HS3ST4: variants seen among roughly 807,000 people sequenced by gnomAD.
HS3ST4 encodes the protein heparan sulfate glucosamine 3-O-sulfotransferase 4.
Under a neutral mutation model 29.2 loss-of-function variants are expected in HS3ST4, and 17 were observed. That is an observed-to-expected ratio of 0.58 (90% CI 0.40 to 0.87). The LOEUF is 0.87. Among genes scored for constraint, HS3ST4 ranks in the 40% least tolerant of loss-of-function variants. HS3ST4 has a pLI of 0.00. For missense variants in HS3ST4, 627 were observed against 634.5 expected, an observed-to-expected ratio of 0.99 and a Z score of 0.13; for synonymous variants, 314 against 285.7, an observed-to-expected ratio of 1.10 and a Z score of -1.00.
At chr16:25,707,874 A>G (rs1237062070) in intron 1 of HS3ST4, among the ~76,000 whole-genome samples, 1 of 152,144 alleles carries the variant, frequency 6.6e-6, no homozygotes, top group African/African-American at 2.4e-5. Context: ...TCTCTGCTCA[A>G]TCATCTTATC....
chr16:25,911,773 C>T (rs574863606), intron 1 of HS3ST4, among the ~76,000 whole-genome samples: 5 of 151,974 alleles, frequency 3.3e-5, no homozygotes, highest in African/African-American at 7.2e-5. Context: ...CCTCCCAAAG[C>T]GCTGGGATTA....
In HS3ST4 at chr16:25,949,883, G is replaced by A. The variant is rs1012589103; in HGVS notation, c.735-185729G>A. Among the ~76,000 whole-genome samples the A allele has an allele frequency of 7.2e-5, 11 of 152,204 alleles. 1 individual carries two copies. The highest frequency in any genetic ancestry group is 2.0e-4 in the Admixed American group (3 of 15,286). On this transcript the variant is annotated intron_variant, in intron 1 of 1. Coordinates refer to ENST00000331351, the MANE Select transcript of HS3ST4 (RefSeq NM_006040.3). ...GGTCAAGGACAGAGCCCCAAGGGAA[G>A]CCTACTAAAAAATGGGTCCCAGAGG... is the stretch of plus-strand genomic sequence containing the variant.
intron 1 of HS3ST4, among the ~76,000 whole-genome samples, chr16:25,802,708 A>G (rs892479383): frequency 3.9e-5 from 6 of 152,092 alleles, no homozygotes; most frequent in African/African-American, 1.2e-4. Flanking sequence ...GAGTTGTCCC[A>G]TCTAGGGACA....
chr16:25,771,066 G>C (rs1279264245), intron 1 of HS3ST4, among the ~76,000 whole-genome samples: 1 of 151,998 alleles, frequency 6.6e-6, no homozygotes. Context: ...GTGGTTTGCT[G>C]CACCTATCAA....
intron 1 of HS3ST4, among the ~76,000 whole-genome samples, chr16:26,115,286 C>CAG (rs1899187763): frequency 7.3e-6 from 1 of 137,496 alleles, no homozygotes; most frequent in Non-Finnish European, 1.7e-5. Flanking sequence ...CACACACACA[C>CAG]AAGTATAAAC....
intron 1 of HS3ST4, among the ~76,000 whole-genome samples, chr16:25,719,992 A>G (rs1255601988): frequency 6.6e-6 from 1 of 152,210 alleles, no homozygotes; most frequent in Non-Finnish European, 1.5e-5. Flanking sequence ...ACACAATTTC[A>G]TGGAACTTAT....
chr16:25,993,734 G>A (rs1969133678), intron 1 of HS3ST4, among the ~76,000 whole-genome samples: 1 of 151,894 alleles, frequency 6.6e-6, no homozygotes, highest in African/African-American at 2.4e-5. Flanking sequence ...GGAGTGGGTT[G>A]CTGACTGACA....
intron 1 of HS3ST4, among the ~76,000 whole-genome samples, chr16:25,901,435 C>T (rs909263352): frequency 6.6e-6 from 1 of 152,170 alleles, no homozygotes; most frequent in African/African-American, 2.4e-5. Context: ...CTTTGGGAGG[C>T]TGAGGTGGGT....
rs192115142 is a variant in HS3ST4, at chr16:26,137,213, C to A, written c.*965C>A. ...AGCATGTTTTTGGGGTGGACTCTGTCCCCTAGGGTCCCTAGAAGGGCAAAG... is the reference window on the plus strand; with the variant it reads ...AGCATGTTTTTGGGGTGGACTCTGTACCCTAGGGTCCCTAGAAGGGCAAAG... On this transcript the variant is annotated 3_prime_UTR_variant, in exon 2 of 2. Transcript: ENST00000331351. 4 of 152,144 alleles carry A rather than the reference C, an allele frequency of 2.6e-5. No individual in the cohort carries two copies. The highest frequency in any genetic ancestry group is 5.9e-5 in the Non-Finnish European group (4 of 67,984). 9.4% of individuals were successfully genotyped at this position (152,144 alleles called of 1,614,324 possible). A position where few individuals can be genotyped will look rare whatever the true frequency, so the allele number is the denominator to read the frequency against.
chr16:25,852,035 T>G (rs998133395), intron 1 of HS3ST4, among the ~76,000 whole-genome samples: 4 of 151,500 alleles, frequency 2.6e-5, no homozygotes, highest in Non-Finnish European at 5.9e-5. Context: ...AAAGGTGACA[T>G]ATAGAGGAAG....
At chr16:26,024,309 C>T (rs1464598605) in intron 1 of HS3ST4, among the ~76,000 whole-genome samples, 1 of 151,862 alleles carries the variant, frequency 6.6e-6, no homozygotes, top group Non-Finnish European at 1.5e-5. Flanking sequence ...AGTGAGATCT[C>T]TGCTTATCAT....
intron 1 of HS3ST4, among the ~76,000 whole-genome samples, chr16:26,069,548 T>A (rs1447774851): frequency 7.3e-5 from 11 of 150,514 alleles, no homozygotes; most frequent in Admixed American, 7.3e-4. Context: ...GTAAATTCTT[T>A]TATATATATA....
chr16:25,974,264 A>G (rs1968923021), intron 1 of HS3ST4, among the ~76,000 whole-genome samples: 1 of 152,198 alleles, frequency 6.6e-6, no homozygotes, highest in East Asian at 1.9e-4. Flanking sequence ...AGATTTTGCA[A>G]ATCATCAGAA....
At chr16:26,099,672 G>A (rs953738583) in intron 1 of HS3ST4, among the ~76,000 whole-genome samples, 2 of 152,144 alleles carry the variant, frequency 1.3e-5, no homozygotes, top group African/African-American at 2.4e-5. Flanking sequence ...TATGTACTGA[G>A]GGCCAAATAT....
intron 1 of HS3ST4, among the ~76,000 whole-genome samples, chr16:25,889,902 A>T (rs981512471): frequency 9.0e-5 from 9 of 100,534 alleles, no homozygotes; most frequent in African/African-American, 2.4e-4. Context: ...ATTCCCCTAT[A>T]CATGCTCTCT....
chr16:25,871,867 C>G (rs921153490), intron 1 of HS3ST4, among the ~76,000 whole-genome samples: 1 of 152,064 alleles, frequency 6.6e-6, no homozygotes, highest in South Asian at 2.1e-4. Flanking sequence ...AACTCTTCAC[C>G]GGCAACATGA....
At chr16:25,923,092 T>A (rs1227575734) in intron 1 of HS3ST4, among the ~76,000 whole-genome samples, 1 of 152,232 alleles carries the variant, frequency 6.6e-6, no homozygotes, top group Non-Finnish European at 1.5e-5. Context: ...TTTACCAACT[T>A]GTTTTTATTA....
chr16:25,811,268 A>C (rs557841885), intron 1 of HS3ST4, among the ~76,000 whole-genome samples: 13 of 152,162 alleles, frequency 8.5e-5, no homozygotes, highest in African/African-American at 3.1e-4. Flanking sequence ...CAAGAGAGCA[A>C]GACCAACCCC....
intron 1 of HS3ST4, among the ~76,000 whole-genome samples, chr16:25,711,105 T>A (rs1966412291): frequency 6.6e-6 from 1 of 152,160 alleles, no homozygotes; most frequent in Admixed American, 6.5e-5. Flanking sequence ...ATTACAGGCA[T>A]GAACCACTGT....
Sources: allele counts gnomAD v4.1 joint callset (sites outside exome capture counted in the v4.1 genomes callset), GRCh38; gene constraint gnomAD v4.1.1; transcripts MANE v1.5; gene names NCBI Gene and HGNC (gene_info 2026-07-23, HGNC 2026-07-21).